OSR1: variants seen among roughly 807,000 people sequenced by gnomAD.
OSR1 encodes the protein odd-skipped related transcription factor 1.
Under a neutral mutation model 15.7 loss-of-function variants are expected in OSR1, and 3 were observed. The observed-to-expected ratio is 0.19, with a 90% CI of 0.09 to 0.50. The LOEUF (loss-of-function observed/expected upper bound fraction) is 0.50, where lower values mean the gene tolerates loss of function less well. Ranked by LOEUF, OSR1 falls within the 20% of genes least tolerant of loss-of-function variation. OSR1 has a pLI of 0.97. For missense variants in OSR1, 271 were observed against 351.1 expected, an observed-to-expected ratio of 0.77 and a Z score of 1.82; for synonymous variants, 166 against 152.7, an observed-to-expected ratio of 1.09 and a Z score of -0.64.
At chr2:19,348,568 ATCAGGTCC>A (rs138671134), downstream of OSR1, 1 of 154,366 alleles carries the variant, frequency 6.5e-6, no homozygotes, top group East Asian at 2.0e-4. Flanking sequence ...GATTTAGGAT[ATCAGGTCC>A]TCAGGTTCTG....
chr2:19,346,697 G>C (rs1282965378), downstream of OSR1: 1 of 152,380 alleles, frequency 6.6e-6, no homozygotes, highest in Non-Finnish European at 1.5e-5. Flanking sequence ...GAGTCGGGGA[G>C]GTTGAGGATG....
the OSR1 span, among the ~76,000 whole-genome samples, chr2:19,345,102 T>C: frequency 2.6e-5 from 4 of 152,058 alleles, no homozygotes; most frequent in Admixed American, 6.5e-5. Context: ...AATAAGAAAA[T>C]GACAGTTCCA....
At chr2:19,349,921 G>A (rs1664804495), downstream of OSR1, among the ~76,000 whole-genome samples, 1 of 152,220 alleles carries the variant, frequency 6.6e-6, no homozygotes, top group Admixed American at 6.5e-5. Flanking sequence ...GCTATGGTCA[G>A]GCACAAACCA....
chr2:19,347,156 G>A (rs559430550), downstream of OSR1, among the ~76,000 whole-genome samples: 30 of 152,286 alleles, frequency 2.0e-4, no homozygotes, highest in African/African-American at 7.0e-4. Flanking sequence ...GGTATCTCCT[G>A]GGAATACAGT....
At chr2:19,350,592 C>T (rs985938789), downstream of OSR1, among the ~76,000 whole-genome samples, 5 of 152,172 alleles carry the variant, frequency 3.3e-5, no homozygotes, top group African/African-American at 1.2e-4. Flanking sequence ...GAGAGGCCAT[C>T]CTGCGCTTGG....
chr2:19,351,698 C>G lies in OSR1; in HGVS notation c.*577G>C, dbSNP rs1214620079. Reference sequence around the variant, plus strand: ...CCCGCTCTCCTAGTCCCGGAGCCCACGGCCGCCAGCTGAGCTGCAAGAGCT... The same window carrying G: ...CCCGCTCTCCTAGTCCCGGAGCCCAGGGCCGCCAGCTGAGCTGCAAGAGCT... On this transcript the variant is annotated 3_prime_UTR_variant, in exon 3 of 3. Transcript: ENST00000272223. The G allele has an allele frequency of 6.5e-6, 1 of 152,718 alleles. No individual in the cohort carries two copies. Among genetic ancestry groups the G allele is most frequent in the Non-Finnish European group, 1.5e-5 (1 of 68,136 alleles). The allele number at this position is 152,718 out of a possible 1,614,324, so 9.5% of individuals were successfully genotyped here.
Position 19,352,475 on chromosome 2 carries a change from A to T in OSR1, c.666-65T>A, listed in dbSNP as rs1410558427. 1.9e-6 allele frequency: 3 copies of T among 1,580,394 alleles called. No individual in the cohort carries two copies. In the African/African-American group the frequency reaches 4.0e-5, roughly 21 times the overall value. On this transcript the variant is annotated intron_variant, in intron 2 of 2. Coordinates refer to ENST00000272223, the MANE Select transcript of OSR1 (RefSeq NM_145260.3). Reference sequence around the variant, plus strand: ...GCAATGTTATAAACAGTTGCCCAAGATCCCCTCCCACTGCTGTGGGGCACT... The same window carrying T: ...GCAATGTTATAAACAGTTGCCCAAGTTCCCCTCCCACTGCTGTGGGGCACT...
chr2:19,349,512 A>G (rs996734929), downstream of OSR1, among the ~76,000 whole-genome samples: 3 of 152,184 alleles, frequency 2.0e-5, no homozygotes, highest in South Asian at 6.2e-4. Flanking sequence ...TATTTTGAGG[A>G]TGCACACTTG....
the OSR1 span, among the ~76,000 whole-genome samples, chr2:19,345,766 C>G: frequency 6.6e-6 from 1 of 152,118 alleles, no homozygotes; most frequent in Non-Finnish European, 1.5e-5. Flanking sequence ...CTTGGCCTAC[C>G]GTACACCAAC....
Position 19,353,381 on chromosome 2 carries a change from G to C in OSR1, c.425C>G (p.Ser142Cys), listed in dbSNP as rs760240477. The C allele has an allele frequency of 1.6e-5, 26 of 1,614,086 alleles. No homozygotes were observed. The highest frequency in any genetic ancestry group is 2.0e-5 in the Non-Finnish European group (24 of 1,180,022). ...AKLGRGEGPG[S>C]PAGGLGALLD... ...GAGGGCACCCAGCCCACCTGCAGGGGAGCCTGGGCCCTCCCCGCGACCGAG... is the reference window on the plus strand; with the variant it reads ...GAGGGCACCCAGCCCACCTGCAGGGCAGCCTGGGCCCTCCCCGCGACCGAG... Residue 142 changes from serine to cysteine, a missense_variant, in exon 2 of 3, where the codon TCC becomes TGC. Physicochemically the swap from Ser to Cys is moderately radical, Grantham distance 112. Around this residue, in one of 4 missense-constraint regions of OSR1, gnomAD observed 210 missense variants for 218.4 expected, o/e 0.96. Coordinates refer to ENST00000272223, the MANE Select transcript of OSR1 (RefSeq NM_145260.3).
the OSR1 span, among the ~76,000 whole-genome samples, chr2:19,346,431 C>G: frequency 1.3e-5 from 2 of 152,180 alleles, no homozygotes; most frequent in African/African-American, 4.8e-5. Context: ...CATTGTGTGG[C>G]CACTTTTTCT....
intron 1 of OSR1, chr2:19,355,724 T>A (rs1664935545): frequency 6.6e-6 from 1 of 152,270 alleles, no homozygotes. Flanking sequence ...CTGCGTGATC[T>A]GGCCTCTGAA....
At position 19,353,359 on chromosome 2, in the gene OSR1, G is replaced by A. The variant is rs1295602684; in HGVS notation, c.447C>T (p.Ala149=). ...GPGSPAGGLG[A]LLDVTKLSPE... ...GAGACAGCTTGGTCACGTCGAGGAG[G>A]GCACCCAGCCCACCTGCAGGGGAGC... is the stretch of plus-strand genomic sequence containing the variant. Residue 149 remains alanine, a synonymous_variant, in exon 2 of 3, where the codon GCC becomes GCT. Coordinates refer to ENST00000272223, the MANE Select transcript of OSR1 (RefSeq NM_145260.3). The A allele has an allele frequency of 1.2e-6, 2 of 1,614,220 alleles. No individual in the cohort carries two copies. Among genetic ancestry groups the A allele is most frequent in the East Asian group, 4.5e-5 (2 of 44,878 alleles).
At chr2:19,349,952 G>A (rs1367456942), downstream of OSR1, among the ~76,000 whole-genome samples, 1 of 151,988 alleles carries the variant, frequency 6.6e-6, no homozygotes, top group Non-Finnish European at 1.5e-5. Context: ...TGCGTGCGCC[G>A]CTTGGGCGCA....
chr2:19,353,022 GA>G, intron 2 of OSR1, 118 bp downstream of exon 2: 13 of 1,259,366 alleles, frequency 1.0e-5, no homozygotes, highest in Non-Finnish European at 1.4e-5. Flanking sequence ...TGATTTTAAA[GA>G]ATTCCCTGAA....
downstream of OSR1, among the ~76,000 whole-genome samples, chr2:19,350,417 G>A (rs1664813866): frequency 6.6e-6 from 1 of 152,164 alleles, no homozygotes. Context: ...CCCGGAGGAG[G>A]TGGGGATGGG....
At chr2:19,353,075 G>C (rs911918365) in intron 2 of OSR1, 66 bp downstream of exon 2, 3 of 1,566,078 alleles carry the variant, frequency 1.9e-6, no homozygotes, top group African/African-American at 2.7e-5. Flanking sequence ...CAAGAACCTC[G>C]TTAGGGAGAA....
At chr2:19,358,050 T>C (rs1664985767) in intron 1 of OSR1, 1 of 152,290 alleles carries the variant, frequency 6.6e-6, no homozygotes, top group Non-Finnish European at 1.5e-5. Flanking sequence ...TCAAAGTCCG[T>C]GGGCACCTCG....
Position 19,353,841 on chromosome 2 carries a change from C to A in OSR1, c.-32-4G>T. On this transcript the variant is annotated splice_region_variant and splice_polypyrimidine_tract_variant and intron_variant, in intron 1 of 2. Transcript: ENST00000272223. ...GCAGTGGCTTCTCAATCCGGATCTG[C>A]AAAGAAAAGAAGAAGGCAGGGGCGT... 1 of 1,578,918 alleles carries A rather than the reference C, an allele frequency of 6.3e-7. No individual in the cohort carries two copies. Among genetic ancestry groups the A allele is most frequent in the Non-Finnish European group, 8.6e-7 (1 of 1,160,220 alleles).
Sources: gnomAD v4.1 joint callset for allele counts (sites outside exome capture counted in the v4.1 genomes callset) on GRCh38, gnomAD v4.1.1 for gene constraint, gnomAD v4.1.1 regional missense constraint, MANE v1.5 for transcripts, NCBI Gene and HGNC (gene_info 2026-07-23, HGNC 2026-07-21) for gene names.